The following CTNNA2 variants were observed in gnomAD, a reference collection of about 807,000 sequenced individuals.
CTNNA2 encodes catenin alpha 2, also known as catenin alpha-2.
CTNNA2 carries 42 observed loss-of-function variants against 101.0 expected under a neutral mutation model. That is an observed-to-expected ratio of 0.42 (90% CI 0.32 to 0.54). CTNNA2 has a LOEUF of 0.54. Among genes scored for constraint, CTNNA2 ranks in the 20% least tolerant of loss-of-function variants. The probability of loss-of-function intolerance (pLI) is 0.14; values close to 1 mark genes in which losing one functional copy is unlikely to be tolerated. For missense variants in CTNNA2, 871 were observed against 1,223.1 expected (o/e 0.71, Z 4.29); for synonymous variants, 450 against 456.4 (o/e 0.99, Z 0.18).
In CTNNA2 at chr2:80,468,511, C is replaced by T. The variant is rs186127236; in HGVS notation, c.1290+48910C>T. On this transcript the variant is annotated intron_variant, in intron 9 of 18. Coordinates refer to ENST00000402739, the MANE Select transcript of CTNNA2 (RefSeq NM_001282597.3). ...TCGGCTCACTGCAACCTCCACCTCC[C>T]GGTTCAAGTGATTCTCCTGCCTCAG... Among the ~76,000 whole-genome samples, 105 of 152,180 alleles carry T rather than the reference C, an allele frequency of 6.9e-4. No homozygotes were observed. The East Asian group carries it at 0.012, about 18-fold the overall frequency.
At chr2:80,637,907 A>G (rs970869149) in intron 18 of CTNNA2, among the ~76,000 whole-genome samples, 3 of 152,170 alleles carry the variant, frequency 2.0e-5, no homozygotes, top group African/African-American at 7.2e-5. Flanking sequence ...GGTAGGAGCC[A>G]TTTTGCAAGT....
intron 4 of CTNNA2, among the ~76,000 whole-genome samples, chr2:79,397,826 T>A (rs1214287261): frequency 6.6e-6 from 1 of 152,078 alleles, no homozygotes. Context: ...TCTGTTTATT[T>A]TTTTTATAAT....
chr2:79,292,430 G>A (rs552534992), intron 2 of CTNNA2, among the ~76,000 whole-genome samples: 1 of 152,276 alleles, frequency 6.6e-6, no homozygotes, highest in African/African-American at 2.4e-5. Context: ...AAGGCAAGCT[G>A]GAAGAGAAGT....
intron 9 of CTNNA2, among the ~76,000 whole-genome samples, chr2:80,481,662 A>G (rs1686158895): frequency 6.6e-6 from 1 of 152,132 alleles, no homozygotes; most frequent in Non-Finnish European, 1.5e-5. Context: ...TCTGCTTCTT[A>G]GTACAGGGAA....
Position 80,569,023 on chromosome 2 carries a change from G to T in CTNNA2, c.1742-5140G>T, listed in dbSNP as rs115789830. On this transcript the variant is annotated intron_variant, in intron 12 of 18. Coordinates refer to ENST00000402739, the MANE Select transcript of CTNNA2 (RefSeq NM_001282597.3). ...CCTTTTATATACCTGAGGGTAGCGA[G>T]GTTACCTGACTCTTCATCTCTGCTA... is the stretch of plus-strand genomic sequence containing the variant. Among the ~76,000 whole-genome samples the T allele has an allele frequency of 2.3e-3, 352 of 152,222 alleles. 1 individual carries two copies. The highest frequency in any genetic ancestry group is 8.0e-3 in the African/African-American group (333 of 41,542).
chr2:79,428,590 C>T (rs1319294182), intron 4 of CTNNA2, among the ~76,000 whole-genome samples: 1 of 151,712 alleles, frequency 6.6e-6, no homozygotes, highest in East Asian at 1.9e-4. Flanking sequence ...GAGACAGAAA[C>T]ATGTAAAAAA....
intron 7 of CTNNA2, among the ~76,000 whole-genome samples, chr2:80,355,830 TA>T (rs1673736115): frequency 6.6e-6 from 1 of 152,128 alleles, no homozygotes; most frequent in African/African-American, 2.4e-5. Flanking sequence ...TTTACTTAGG[TA>T]GAACAATTTT....
intron 4 of CTNNA2, among the ~76,000 whole-genome samples, chr2:79,444,557 G>C (rs1217070408): frequency 1.3e-5 from 2 of 151,974 alleles, no homozygotes; most frequent in East Asian, 3.9e-4. Context: ...TTCCCTTGCT[G>C]CTTCTGTCTG....
chr2:80,536,327 A>G (rs974640308), intron 9 of CTNNA2, among the ~76,000 whole-genome samples: 1 of 152,188 alleles, frequency 6.6e-6, no homozygotes, highest in South Asian at 2.1e-4. Flanking sequence ...ATGACTGACT[A>G]TAAATTCAAG....
chr2:79,660,576 G>A (rs1177145730), intron 2 of CTNNA2, among the ~76,000 whole-genome samples: 3 of 152,046 alleles, frequency 2.0e-5, no homozygotes, highest in Non-Finnish European at 4.4e-5. Flanking sequence ...TATACCCAAA[G>A]TAGTTAATAT....
chr2:79,214,041 C>T (rs570825872), intron 2 of CTNNA2, among the ~76,000 whole-genome samples: 1 of 152,032 alleles, frequency 6.6e-6, no homozygotes, highest in Non-Finnish European at 1.5e-5. Context: ...ACTAACTATG[C>T]CTAGGAAGGA....
intron 4 of CTNNA2, among the ~76,000 whole-genome samples, chr2:79,481,511 A>C (rs1160786103): frequency 6.6e-6 from 1 of 152,184 alleles, no homozygotes; most frequent in East Asian, 1.9e-4. Flanking sequence ...CAATACTGTA[A>C]TGTGTGCTTA....
chr2:79,810,741 T>C (rs912133460), intron 3 of CTNNA2, among the ~76,000 whole-genome samples: 1 of 151,872 alleles, frequency 6.6e-6, no homozygotes, highest in Admixed American at 6.6e-5. Flanking sequence ...TGTGTTCTCA[T>C]TTTTCAATTC....
intron 7 of CTNNA2, among the ~76,000 whole-genome samples, chr2:80,329,846 C>T (rs1332374955): frequency 1.3e-5 from 2 of 152,210 alleles, no homozygotes; most frequent in African/African-American, 4.8e-5. Context: ...TCGACTGTAC[C>T]TGCCTAGATA....
At chr2:80,296,057 G>GT (rs1427151389) in intron 7 of CTNNA2, among the ~76,000 whole-genome samples, 3 of 151,752 alleles carry the variant, frequency 2.0e-5, no homozygotes, top group East Asian at 3.9e-4. Flanking sequence ...TTTTTTTTTA[G>GT]TTTTTTACGA....
At chr2:79,931,088 C>A (rs1230585098) in intron 7 of CTNNA2, among the ~76,000 whole-genome samples, 1 of 152,060 alleles carries the variant, frequency 6.6e-6, no homozygotes, top group Non-Finnish European at 1.5e-5. Flanking sequence ...TAATTTTAAT[C>A]CATTAAACTC....
chr2:79,501,277 T>G (rs1671316814), intron 4 of CTNNA2, among the ~76,000 whole-genome samples: 1 of 152,214 alleles, frequency 6.6e-6, no homozygotes. Flanking sequence ...TTTATTTTTC[T>G]GTTTATTTAT....
chr2:79,359,353 G>A (rs908360237), intron 3 of CTNNA2, among the ~76,000 whole-genome samples: 7 of 152,162 alleles, frequency 4.6e-5, no homozygotes, highest in African/African-American at 1.4e-4. Flanking sequence ...AGTTTCATCT[G>A]TCTCATGAAC....
chr2:79,387,283 C>T (rs1435134765), intron 4 of CTNNA2, among the ~76,000 whole-genome samples: 1 of 151,982 alleles, frequency 6.6e-6, no homozygotes, highest in Non-Finnish European at 1.5e-5. Flanking sequence ...GCAATTAGAA[C>T]CTGAAATTCA....
Sources: gnomAD v4.1 joint callset for allele counts (sites outside exome capture counted in the v4.1 genomes callset) on GRCh38, gnomAD v4.1.1 for gene constraint, MANE v1.5 for transcripts, NCBI Gene and HGNC (gene_info 2026-07-23, HGNC 2026-07-21) for gene names.